Variants in ADAMTSL1 observed in about 807,000 individuals in gnomAD.
ADAMTSL1 encodes the protein ADAMTS like 1, also known as ADAMTS-like protein 1.
In ADAMTSL1, 126 loss-of-function variants were observed where a neutral mutation model predicts 201.8. The observed-to-expected ratio is 0.62, with a 90% CI of 0.54 to 0.72. The LOEUF is 0.72. Ranked by LOEUF, ADAMTSL1 falls within the 30% of genes least tolerant of loss-of-function variation. The pLI is 0.00. For synonymous variants in ADAMTSL1, 1,121 were observed against 903.4 expected (o/e 1.24, Z -4.32); for missense variants, 2,679 against 2,277.8 (o/e 1.18, Z -3.59).
At chr9:18,703,274 G>T (rs550239872) in intron 13 of ADAMTSL1, among the ~76,000 whole-genome samples, 17 of 152,112 alleles carry the variant, frequency 1.1e-4, no homozygotes, top group African/African-American at 4.1e-4. Context: ...CACTGACCTC[G>T]CTTCCTCCCA....
intron 9 of ADAMTSL1, among the ~76,000 whole-genome samples, chr9:18,666,761 C>A (rs954823585): frequency 6.6e-6 from 1 of 152,090 alleles, no homozygotes; most frequent in African/African-American, 2.4e-5. Flanking sequence ...TCAGCAACAA[C>A]TAAAAAGGCA....
chr9:18,171,418 T>C (rs998764790), intron 2 of ADAMTSL1, among the ~76,000 whole-genome samples: 3 of 152,098 alleles, frequency 2.0e-5, no homozygotes, highest in African/African-American at 7.2e-5. Context: ...TATTATACTT[T>C]AAATTATATT....
In ADAMTSL1 at chr9:18,456,422, T is replaced by C. The variant is rs114314124; in HGVS notation, c.208-48407T>C. 7.4e-3 allele frequency among the ~76,000 whole-genome samples: 1,123 copies of C among 152,258 alleles called. 16 individuals are homozygous for C. Among genetic ancestry groups the C allele is most frequent in the African/African-American group, 0.026 (1,069 of 41,544 alleles). On this transcript the variant is annotated intron_variant, in intron 2 of 29. Coordinates refer to the ADAMTSL1 transcript ENST00000680146. ...TCTTGATTGCTTGGTCCACTAGATTTTCCTTTTGGAATATATAAAATCTCT... is the reference window on the plus strand; with the variant it reads ...TCTTGATTGCTTGGTCCACTAGATTCTCCTTTTGGAATATATAAAATCTCT...
At chr9:18,316,028 C>T (rs371204877) in intron 2 of ADAMTSL1, among the ~76,000 whole-genome samples, 29 of 152,104 alleles carry the variant, frequency 1.9e-4, no homozygotes, top group East Asian at 9.7e-4. Context: ...AGCTGGGCGT[C>T]GGGGGAGACA....
At chr9:18,483,591 T>G (rs1309556235) in intron 1 of ADAMTSL1, among the ~76,000 whole-genome samples, 2 of 151,708 alleles carry the variant, frequency 1.3e-5, no homozygotes, top group Non-Finnish European at 2.9e-5. Context: ...ACTTTGGGAG[T>G]CCAAGGCAGG....
chr9:18,713,231 T>A (rs1832719690), intron 14 of ADAMTSL1, among the ~76,000 whole-genome samples: 1 of 151,150 alleles, frequency 6.6e-6, no homozygotes, highest in African/African-American at 2.4e-5. Context: ...AATGACAGGA[T>A]CATATTCACA....
At chr9:18,702,580 A>T (rs1477843556) in intron 13 of ADAMTSL1, among the ~76,000 whole-genome samples, 1 of 152,178 alleles carries the variant, frequency 6.6e-6, no homozygotes, top group Non-Finnish European at 1.5e-5. Flanking sequence ...TGCAAATAGA[A>T]GGCCAGCCAG....
chr9:18,706,683 C>A, intron 13 of ADAMTSL1, 64 bp from the exon 14 acceptor site: 1 of 1,477,338 alleles, frequency 6.8e-7, no homozygotes, highest in Non-Finnish European at 9.1e-7. Context: ...CAGCCCCTCA[C>A]AGCCCCCATG....
In ADAMTSL1 at chr9:17,946,423, A is replaced by C. The variant is rs528243802; in HGVS notation, c.87+39501A>C. On this transcript the variant is annotated intron_variant, in intron 1 of 29. Coordinates refer to the ADAMTSL1 transcript ENST00000680146. Reference sequence around the variant, plus strand: ...ATTTTTCATAATTAAATGTATAATTATTTCACCCCCCAGTGAACTTACCAT... The same window carrying C: ...ATTTTTCATAATTAAATGTATAATTCTTTCACCCCCCAGTGAACTTACCAT... 5.9e-5 allele frequency among the ~76,000 whole-genome samples: 9 copies of C among 152,172 alleles called. No homozygotes were observed. The South Asian group carries it at 1.5e-3, about 25-fold the overall frequency.
Position 18,005,631 on chromosome 9 carries a change from TCTTAA to T in ADAMTSL1, c.87+98713_87+98717del, listed in dbSNP as rs1489563492. 3.9e-5 allele frequency among the ~76,000 whole-genome samples: 6 copies of T among 152,174 alleles called. No individual in the cohort carries two copies. In the East Asian group the frequency reaches 7.8e-4, roughly 20 times the overall value. On this transcript the variant is annotated intron_variant, in intron 1 of 29. Transcript: ENST00000680146. ...CTGTCTACATTACCAACCAAGTAGG[TCTTAA>T]CTTTTAGGTAGTAACAGATCTTTGC...
chr9:18,889,513 G>T (rs113454824), intron 24 of ADAMTSL1, 55 bp from the exon 25 acceptor site: 1 of 1,578,022 alleles, frequency 6.3e-7, no homozygotes, highest in Admixed American at 1.7e-5. Context: ...AAGGAATTCA[G>T]AGTGTGGGCA....
intron 4 of ADAMTSL1, among the ~76,000 whole-genome samples, chr9:18,610,343 C>G (rs548378512): frequency 3.1e-4 from 47 of 152,124 alleles, no homozygotes; most frequent in Non-Finnish European, 5.4e-4. Flanking sequence ...CCTTTAGTTT[C>G]TCAAGCTGAT....
intron 1 of ADAMTSL1, among the ~76,000 whole-genome samples, chr9:17,972,976 G>A (rs10963370): frequency 6.8e-6 from 1 of 147,134 alleles, no homozygotes; most frequent in Non-Finnish European, 1.5e-5. Flanking sequence ...TGAGAAGTGT[G>A]TATTCATATC....
chr9:18,631,490 T>A (rs571722790), intron 5 of ADAMTSL1, among the ~76,000 whole-genome samples: 1 of 152,314 alleles, frequency 6.6e-6, no homozygotes, highest in East Asian at 1.9e-4. Context: ...GACTCTCTCA[T>A]TTTTAAAAAT....
chr9:17,957,507 G>C (rs952195734), intron 1 of ADAMTSL1, among the ~76,000 whole-genome samples: 5 of 152,094 alleles, frequency 3.3e-5, no homozygotes, highest in Admixed American at 3.3e-4. Flanking sequence ...TGCTTCAGCT[G>C]CTGTTCTCAC....
intron 7 of ADAMTSL1, among the ~76,000 whole-genome samples, chr9:18,647,231 A>T (rs974667199): frequency 2.6e-5 from 4 of 151,826 alleles, no homozygotes; most frequent in African/African-American, 9.7e-5. Context: ...ATCGGTGGTG[A>T]TATCCCCTTT....
intron 20 of ADAMTSL1, among the ~76,000 whole-genome samples, chr9:18,800,428 T>TTCTCTGGGCC (rs977877721): frequency 3.4e-5 from 5 of 148,594 alleles, no homozygotes; most frequent in African/African-American, 1.3e-4. Flanking sequence ...GGTTTGACTG[T>TTCTCTGGGCC]TCTCTGGGCC....
At chr9:18,554,430 T>C (rs999502453) in intron 3 of ADAMTSL1, among the ~76,000 whole-genome samples, 3 of 151,826 alleles carry the variant, frequency 2.0e-5, no homozygotes, top group Non-Finnish European at 2.9e-5. Context: ...TGGTTTACGA[T>C]GTGTACTTCC....
intron 1 of ADAMTSL1, among the ~76,000 whole-genome samples, chr9:17,949,616 A>G (rs1246683138): frequency 2.0e-5 from 3 of 152,200 alleles, no homozygotes; most frequent in Non-Finnish European, 2.9e-5. Flanking sequence ...TCTCAGTGCT[A>G]TGAACACAAT....
Sources: gnomAD v4.1 joint callset for allele counts (sites outside exome capture counted in the v4.1 genomes callset) on GRCh38, gnomAD v4.1.1 for gene constraint, MANE v1.5 for transcripts, NCBI Gene and HGNC (gene_info 2026-07-23, HGNC 2026-07-21) for gene names.